ZNF554: variants seen among roughly 807,000 people sequenced by gnomAD.
The protein encoded by ZNF554 is zinc finger protein 554.
A neutral mutation model predicts 21.2 loss-of-function variants in ZNF554; 15 were observed. The observed-to-expected ratio is 0.71, with a 90% CI of 0.47 to 1.09. ZNF554 has a LOEUF of 1.09. Among genes scored for constraint, ZNF554 ranks in the 50% least tolerant of loss-of-function variants. The pLI, the probability that ZNF554 is intolerant of heterozygous loss-of-function variation, is 0.00. For missense variants in ZNF554, 691 were observed against 662.7 expected (o/e 1.04, Z -0.47); for synonymous variants, 258 against 251.4 (o/e 1.03, Z -0.25).
intron 2 of ZNF554, chr19:2,826,325 T>G (rs556035612): frequency 6.7e-6 from 1 of 149,676 alleles, no homozygotes; most frequent in South Asian, 2.2e-4. Flanking sequence ...TGCCTCAGCC[T>G]CCTGAGTAGC....
chr19:2,833,786 G>A lies in ZNF554; in HGVS notation c.551G>A (p.Gly184Glu), dbSNP rs753082963. 1 of 1,609,820 alleles carries A rather than the reference G, an allele frequency of 6.2e-7. No individual in the cohort carries two copies. Among genetic ancestry groups the A allele is most frequent in the East Asian group, 2.2e-5 (1 of 44,804 alleles). ...ATGATAAAGCTTATCAGAGAAGATG[G>A]GGGATGGAAGCAGTTAGAGGACAGC... is the stretch of plus-strand genomic sequence containing the variant. ...INMIKLIRED[G>E]GWKQLEDSHE... The change falls in exon 5 of 5, where the codon GGG becomes GAG. Residue 184 changes from glycine to glutamate, a missense_variant. Physicochemically the swap from Gly to Glu is moderately conservative, Grantham distance 98. Transcript: ENST00000317243.
intron 2 of ZNF554, among the ~76,000 whole-genome samples, chr19:2,827,088 G>C (rs1022619507): frequency 1.3e-5 from 2 of 152,040 alleles, no homozygotes; most frequent in Admixed American, 6.6e-5. Context: ...CTTTTTGTTG[G>C]GTATTGCTTC....
rs751435642 is a variant in ZNF554, at chr19:2,834,730, A to G, written c.1495A>G (p.Lys499Glu). 4.3e-6 allele frequency: 7 copies of G among 1,614,130 alleles called. No homozygotes were observed. Among genetic ancestry groups the G allele is most frequent in the Non-Finnish European group, 5.1e-6 (6 of 1,179,982 alleles). The change falls in exon 5 of 5, where the codon AAA becomes GAA. Residue 499 changes from lysine to glutamate, a missense_variant. Transcript: ENST00000317243. The stretch of plus-strand genomic sequence containing the variant: ...ACCCTACAGGTGTCAGGAATGTGGG[A>G]AAGCCTTCAGCCAGAGCTCATCCCT... Reference protein sequence around the residue: ...EKPYRCQECGKAFSQSSSLVT... With the variant: ...EKPYRCQECGEAFSQSSSLVT...
In ZNF554 at chr19:2,832,517, C is replaced by T. The variant is rs1472650494; in HGVS notation, c.445+23C>T. ...CAGGTGAGAATCAGGCAGATAGAAA[C>T]CATTGGGATGGCAGTGGCATCGTGG... On this transcript the variant is annotated intron_variant, in intron 4 of 4. Coordinates refer to ENST00000317243, the MANE Select transcript of ZNF554 (RefSeq NM_001102651.2). 7 of 1,565,746 alleles carry T rather than the reference C, an allele frequency of 4.5e-6. 1 individual carries two copies. The Admixed American group carries it at 6.0e-5, about 13-fold the overall frequency.
At chr19:2,829,101 G>GT (rs1238549703) in intron 3 of ZNF554, among the ~76,000 whole-genome samples, 1 of 152,154 alleles carries the variant, frequency 6.6e-6, no homozygotes, top group Non-Finnish European at 1.5e-5. Flanking sequence ...GTTCATGTCT[G>GT]TAATCCCAGC....
At chr19:2,828,558 T>G (rs771531840) in intron 3 of ZNF554, among the ~76,000 whole-genome samples, 2 of 151,666 alleles carry the variant, frequency 1.3e-5, no homozygotes, top group Non-Finnish European at 2.9e-5. Context: ...TCCCAGCTAC[T>G]CAGGAGGCTG....
At chr19:2,823,479 C>T (rs191723447) in intron 2 of ZNF554, among the ~76,000 whole-genome samples, 2 of 152,238 alleles carry the variant, frequency 1.3e-5, no homozygotes, top group Admixed American at 1.3e-4. Flanking sequence ...TAGAGCAGCT[C>T]AGAGGATTGA....
Position 2,833,747 on chromosome 19 carries a change from C to A in ZNF554, c.512C>A (p.Ala171Asp). 6.3e-7 allele frequency: 1 copy of A among 1,575,896 alleles called. No individual in the cohort carries two copies. The part of the protein sequence containing the change: ...YKKVALQEEP[A>D]SGINMIKLIR... ...AAGGTGGCTTTGCAGGAGGAACCAG[C>A]CAGTGGTATAAATATGATAAAGCTT... The change falls in exon 5 of 5, where the codon GCC becomes GAC. Residue 171 changes from alanine (A) to aspartate (D), a missense_variant. Ala to Asp is a moderately radical substitution (Grantham distance 126, BLOSUM62 -2). Transcript: ENST00000317243.
chr19:2,829,337 C>T (rs1404158717), intron 3 of ZNF554, among the ~76,000 whole-genome samples: 4 of 151,496 alleles, frequency 2.6e-5, no homozygotes, highest in African/African-American at 9.7e-5. Context: ...CCAGCCTGGG[C>T]GACAGAGCGA....
In ZNF554 at chr19:2,834,639, G is replaced by A. The variant is rs748376078; in HGVS notation, c.1404G>A (p.Gln468=). The A allele has an allele frequency of 3.1e-6, 5 of 1,613,968 alleles. No homozygotes were observed. Among genetic ancestry groups the A allele is most frequent in the Admixed American group, 3.3e-5 (2 of 59,988 alleles). ...GCGAGAACCCCTATGAATGTAAGCA[G>A]TGTGGGAGAGCCTTCAGCCAGAGGT... ...HTGENPYECK[Q]CGRAFSQRSS... Residue 468 remains glutamine (Q), a synonymous_variant, in exon 5 of 5, where the codon CAG becomes CAA. Coordinates refer to ENST00000317243, the MANE Select transcript of ZNF554 (RefSeq NM_001102651.2).
chr19:2,823,165 T>TC, intron 2 of ZNF554, 53 bp downstream of exon 2: 1 of 1,555,480 alleles, frequency 6.4e-7, no homozygotes, highest in Non-Finnish European at 8.8e-7. Context: ...GAGGGAACAA[T>TC]CCCACCAGAA....
chr19:2,832,248 G>C, intron 3 of ZNF554, 55 bp from the exon 4 acceptor site: 1 of 1,495,010 alleles, frequency 6.7e-7, no homozygotes, highest in Non-Finnish European at 8.9e-7. Flanking sequence ...TTTTTAACTA[G>C]AAAATAAAAT....
chr19:2,834,991 A>G lies in ZNF554; in HGVS notation c.*139A>G. ...CACCTTCTTATAAGAAAGCTCTGAG[A>G]ATGGGCATTTTTGTATTTTGTTGTT... On this transcript the variant is annotated 3_prime_UTR_variant, in exon 5 of 5. Coordinates refer to ENST00000317243, the MANE Select transcript of ZNF554 (RefSeq NM_001102651.2). The G allele has an allele frequency of 1.2e-6, 1 of 803,396 alleles. No homozygotes were observed. Among genetic ancestry groups the G allele is most frequent in the Non-Finnish European group, 1.9e-6 (1 of 525,250 alleles). 49.8% of individuals were successfully genotyped at this position (803,396 alleles called of 1,614,324 possible). A position where few individuals can be genotyped will look rare whatever the true frequency, so the allele number is the denominator to read the frequency against.
At position 2,821,272 on chromosome 19, in the gene ZNF554, A is replaced by G. The variant is rs1430582393; in HGVS notation, c.53+1148A>G. 6.6e-6 allele frequency among the ~76,000 whole-genome samples: 1 copy of G among 151,450 alleles called. No homozygotes were observed. Among genetic ancestry groups the G allele is most frequent in the Non-Finnish European group, 1.5e-5 (1 of 67,978 alleles). On this transcript the variant is annotated intron_variant, in intron 1 of 4. Transcript: ENST00000317243. This position sits in a 1 kb window ranked among gnomAD's most constrained non-coding sequence, Gnocchi z 8.2. ...TGGCTAATTTTTATATTTTTAGTAG[A>G]TACAGAGTTTCTCCATGTTGGCCAG... is the stretch of plus-strand genomic sequence containing the variant.
chr19:2,821,698 C>T lies in ZNF554; in HGVS notation c.54-1342C>T, dbSNP rs757415972. On this transcript the variant is annotated intron_variant, in intron 1 of 4. Transcript: ENST00000317243. The surrounding 1 kb of genome is among the most constrained non-coding windows in gnomAD (Gnocchi z 8.2). ...ATTTTTATTTTTTGAGATGGGGTCTCGGTCTGTCACCTGGCTGGAGTGCAG... is the reference window on the plus strand; with the variant it reads ...ATTTTTATTTTTTGAGATGGGGTCTTGGTCTGTCACCTGGCTGGAGTGCAG... 4.7e-5 allele frequency among the ~76,000 whole-genome samples: 7 copies of T among 149,374 alleles called. No homozygotes were observed. The highest frequency in any genetic ancestry group is 6.6e-5 in the Admixed American group (1 of 15,158).
Position 2,831,206 on chromosome 19 carries a change from G to A in ZNF554, c.254-1097G>A, listed in dbSNP as rs139763778. On this transcript the variant is annotated intron_variant, in intron 3 of 4. Coordinates refer to ENST00000317243, the MANE Select transcript of ZNF554 (RefSeq NM_001102651.2). ...TATGTGTGAAGTGGTATCTCATTGC[G>A]GTTTTGATATGCATTCCCCTAATGA... The A allele has an allele frequency of 4.1e-3, 626 of 152,132 alleles. 2 individuals are homozygous for A. Among genetic ancestry groups the A allele is most frequent in the Non-Finnish European group, 7.3e-3 (494 of 68,016 alleles). 9.4% of individuals were successfully genotyped at this position (152,132 alleles called of 1,614,324 possible). A position where few individuals can be genotyped will look rare whatever the true frequency, so the allele number is the denominator to read the frequency against.
intron 4 of ZNF554, 143 bp from the exon 5 acceptor site, chr19:2,833,538 C>T (rs1256361590): frequency 1.6e-6 from 1 of 626,810 alleles, no homozygotes; most frequent in Non-Finnish European, 2.5e-6. Context: ...TCTCTTTTTC[C>T]CATCCTTCCC....
intron 3 of ZNF554, 47 bp from the exon 4 acceptor site, chr19:2,832,256 A>C (rs1199990075): frequency 6.7e-7 from 1 of 1,500,826 alleles, no homozygotes; most frequent in Admixed American, 2.3e-5. Flanking sequence ...TAGAAAATAA[A>C]ATCATTATCT....
intron 3 of ZNF554, among the ~76,000 whole-genome samples, chr19:2,829,363 A>AG (rs2087381386): frequency 6.6e-6 from 1 of 150,912 alleles, no homozygotes; most frequent in Non-Finnish European, 1.5e-5. Flanking sequence ...TGTCTCAAAA[A>AG]ATATATATAC....
Sources: gnomAD v4.1 joint callset for allele counts (sites outside exome capture counted in the v4.1 genomes callset) on GRCh38, gnomAD v4.1.1 for gene constraint, Gnocchi (gnomAD v3.1) non-coding constraint, MANE v1.5 for transcripts, NCBI Gene and HGNC (gene_info 2026-07-23, HGNC 2026-07-21) for gene names.